The following GRK3 variants were observed in gnomAD, a reference collection of about 807,000 sequenced individuals.
The protein encoded by GRK3 is G protein-coupled receptor kinase 3.
In GRK3, 54 loss-of-function variants were observed where a neutral mutation model predicts 95.7. The ratio of observed to expected loss-of-function variants is 0.56; its 90% CI spans 0.45 to 0.71. The LOEUF (loss-of-function observed/expected upper bound fraction) is 0.71, where lower values mean the gene tolerates loss of function less well. Ranked by LOEUF, GRK3 falls within the 30% of genes least tolerant of loss-of-function variation. The pLI is 0.00. For synonymous variants in GRK3, 281 were observed against 290.8 expected (o/e 0.97, Z 0.34); for missense variants, 649 against 851.2 (o/e 0.76, Z 2.96).
At chr22:25,708,823 A>C (rs540818655) in intron 15 of GRK3, among the ~76,000 whole-genome samples, 1 of 147,776 alleles carries the variant, frequency 6.8e-6, no homozygotes, top group South Asian at 2.2e-4. Context: ...CACCATGCCC[A>C]GCTAATTTTT....
intron 6 of GRK3, among the ~76,000 whole-genome samples, chr22:25,669,230 T>G (rs1052358050): frequency 2.0e-5 from 3 of 152,066 alleles, no homozygotes; most frequent in African/African-American, 7.2e-5. Flanking sequence ...ATGACCACCC[T>G]GAGTCTGATG....
At chr22:25,613,610 T>C (rs2084515035) in intron 2 of GRK3, among the ~76,000 whole-genome samples, 1 of 149,272 alleles carries the variant, frequency 6.7e-6, no homozygotes, top group Middle Eastern at 3.2e-3. Context: ...CAACTTGGGT[T>C]TCCTAATAAA....
chr22:25,675,166 C>G (rs553026971), intron 8 of GRK3, among the ~76,000 whole-genome samples: 1 of 152,092 alleles, frequency 6.6e-6, no homozygotes, highest in Non-Finnish European at 1.5e-5. Context: ...GATCACATGA[C>G]AAAGAATTGT....
intron 3 of GRK3, among the ~76,000 whole-genome samples, chr22:25,652,734 G>A (rs111481582): frequency 0.022 from 3,402 of 152,220 alleles, 61 homozygotes; most frequent in Middle Eastern, 0.068. Flanking sequence ...AAAAGACCAC[G>A]TATATGACAG....
intron 2 of GRK3, among the ~76,000 whole-genome samples, chr22:25,607,456 T>G (rs1391604612): frequency 6.6e-6 from 1 of 152,128 alleles, no homozygotes; most frequent in African/African-American, 2.4e-5. Flanking sequence ...TCCCCCACAT[T>G]GCCCCCGCCA....
In GRK3 at chr22:25,575,865, G is replaced by A. The variant is rs534131124; in HGVS notation, c.113+10712G>A. On this transcript the variant is annotated intron_variant, in intron 1 of 20. Coordinates refer to ENST00000324198, the MANE Select transcript of GRK3 (RefSeq NM_005160.4). ...ACTGTGGGGCAGGGAGTGGCTTTCA[G>A]CCTTCCAGACTCAGAAACTAGATTT... Among the ~76,000 whole-genome samples, 32 of 152,282 alleles carry A rather than the reference G, an allele frequency of 2.1e-4. No homozygotes were observed. The South Asian group carries it at 6.6e-3, about 32-fold the overall frequency.
At chr22:25,708,625 C>T (rs146145214) in intron 15 of GRK3, among the ~76,000 whole-genome samples, 15 of 152,064 alleles carry the variant, frequency 9.9e-5, no homozygotes, top group Non-Finnish European at 1.9e-4. Context: ...TGGGAGTGCT[C>T]CTCCCCCATG....
chr22:25,722,561 C>T lies in GRK3; in HGVS notation c.*111C>T, dbSNP rs2085441837. 1 of 1,199,308 alleles carries T rather than the reference C, an allele frequency of 8.3e-7. No individual in the cohort carries two copies. Among genetic ancestry groups the T allele is most frequent in the Admixed American group, 2.3e-5 (1 of 43,358 alleles). The allele number at this position is 1,199,308 out of a possible 1,614,324, so 74.3% of individuals were successfully genotyped here. On this transcript the variant is annotated 3_prime_UTR_variant, in exon 21 of 21. Transcript: ENST00000324198. Reference sequence around the variant, plus strand: ...TCGCTACCGGGACTCCTCCAGGCTCCCGAGAGGAGTCGGGACCCTTCGGCT... The same window carrying T: ...TCGCTACCGGGACTCCTCCAGGCTCTCGAGAGGAGTCGGGACCCTTCGGCT...
intron 17 of GRK3, among the ~76,000 whole-genome samples, chr22:25,713,326 T>C (rs960740400): frequency 1.3e-5 from 2 of 152,114 alleles, no homozygotes; most frequent in Non-Finnish European, 2.9e-5. Context: ...TGGGCTTAGA[T>C]AGAATGTCTG....
At chr22:25,648,618 G>A in intron 3 of GRK3, 1 of 1,116,038 alleles carries the variant, frequency 9.0e-7, no homozygotes, top group East Asian at 2.4e-5. Flanking sequence ...ATATGCTGTT[G>A]TTTCTGAAGA....
In GRK3 at chr22:25,633,272, T is replaced by A. The variant is rs151052816; in HGVS notation, c.191-11320T>A. The stretch of plus-strand genomic sequence containing the variant: ...TCCTTTTTGTTATTTTCAAAAAGTT[T>A]ATTATTCTAGTTCTTTTGATTTTTA... On this transcript the variant is annotated intron_variant, in intron 2 of 20. Transcript: ENST00000324198. Among the ~76,000 whole-genome samples the A allele has an allele frequency of 3.8e-3, 580 of 152,288 alleles. 4 individuals are homozygous for A. Among genetic ancestry groups the A allele is most frequent in the African/African-American group, 0.013 (530 of 41,566 alleles).
In GRK3 at chr22:25,723,380, T is replaced by C. The variant is rs1302483769; in HGVS notation, c.*930T>C. 6.6e-6 allele frequency: 1 copy of C among 152,234 alleles called. No homozygotes were observed. The highest frequency in any genetic ancestry group is 1.5e-5 in the Non-Finnish European group (1 of 68,040). The allele number at this position is 152,234 out of a possible 1,614,324, so 9.4% of individuals were successfully genotyped here. A position where few individuals can be genotyped will look rare whatever the true frequency, so the allele number is the denominator to read the frequency against. ...AGTAATGGATGTACAAAAGCAGGTC[T>C]GTTTTATGTCTTAGTATAATTTCAG... On this transcript the variant is annotated 3_prime_UTR_variant, in exon 21 of 21. Coordinates refer to ENST00000324198, the MANE Select transcript of GRK3 (RefSeq NM_005160.4).
chr22:25,706,595 A>G (rs1417757896), intron 15 of GRK3, among the ~76,000 whole-genome samples: 1 of 152,072 alleles, frequency 6.6e-6, no homozygotes, highest in Non-Finnish European at 1.5e-5. Flanking sequence ...CAGTGGCACA[A>G]TCTTGGCTCA....
At chr22:25,719,699 T>TGG (rs372654813) in intron 19 of GRK3, among the ~76,000 whole-genome samples, 254 of 48,136 alleles carry the variant, frequency 5.3e-3, no homozygotes, top group African/African-American at 0.017. Context: ...CTTGGTGGGG[T>TGG]GGGGGGGGGG....
At chr22:25,579,165 T>C (rs576058385) in intron 1 of GRK3, among the ~76,000 whole-genome samples, 1 of 152,110 alleles carries the variant, frequency 6.6e-6, no homozygotes, top group South Asian at 2.1e-4. Flanking sequence ...TTCTTTTTTT[T>C]TTTTTCTTTG....
chr22:25,698,353 G>A lies in GRK3; in HGVS notation c.1160+3139G>A, dbSNP rs1054569640. Among the ~76,000 whole-genome samples, 8 of 152,310 alleles carry A rather than the reference G, an allele frequency of 5.3e-5. No homozygotes were observed. In the East Asian group the frequency reaches 1.5e-3, roughly 29 times the overall value. Reference sequence around the variant, plus strand: ...TCTTTGAGGGATAGGCAGTCTAGGAGAGTAGCTATTGATATACACACCGGA... The same window carrying A: ...TCTTTGAGGGATAGGCAGTCTAGGAAAGTAGCTATTGATATACACACCGGA... On this transcript the variant is annotated intron_variant, in intron 13 of 20. Coordinates refer to ENST00000324198, the MANE Select transcript of GRK3 (RefSeq NM_005160.4).
chr22:25,580,440 A>T (rs1446775143), intron 1 of GRK3: 1 of 152,224 alleles, frequency 6.6e-6, no homozygotes, highest in Non-Finnish European at 1.5e-5. Context: ...TTGGGAAGTG[A>T]TAATAGACTG....
intron 6 of GRK3, 39 bp from the exon 7 acceptor site, chr22:25,672,257 G>C (rs2084989032): frequency 1.0e-6 from 1 of 987,106 alleles, no homozygotes; most frequent in South Asian, 1.5e-5. Flanking sequence ...CAGTTAATTT[G>C]ATATTTAACT....
rs547268023 is a variant in GRK3, at chr22:25,680,396, G to A, written c.747+1481G>A. 4.6e-5 allele frequency among the ~76,000 whole-genome samples: 7 copies of A among 152,274 alleles called. No homozygotes were observed. In the East Asian group the frequency reaches 7.7e-4, roughly 17 times the overall value. On this transcript the variant is annotated intron_variant, in intron 9 of 20. Transcript: ENST00000324198. ...AATGTCTGTATCCTAAATTTCAAAC[G>A]TGGATGTGAGTACTGGATGAAGATT...
Sources: gnomAD v4.1 joint callset for allele counts (sites outside exome capture counted in the v4.1 genomes callset) on GRCh38, gnomAD v4.1.1 for gene constraint, MANE v1.5 for transcripts, NCBI Gene and HGNC (gene_info 2026-07-23, HGNC 2026-07-21) for gene names.